Variants in CLTC observed in about 807,000 individuals in gnomAD.
The protein encoded by CLTC is clathrin heavy chain, also known as clathrin heavy chain 1.
A neutral mutation model predicts 195.8 loss-of-function variants in CLTC; 16 were observed. The observed-to-expected ratio is 0.08, with a 90% CI of 0.06 to 0.12. The LOEUF is 0.12. Among genes scored for constraint, CLTC ranks in the 10% least tolerant of loss-of-function variants. CLTC has a pLI of 1.00. For synonymous variants in CLTC, 667 were observed against 689.4 expected (o/e 0.97, Z 0.51); for missense variants, 796 against 2,027.0 (o/e 0.39, Z 11.66).
chr17:59,672,724 G>A (rs534051339), intron 14 of CLTC, among the ~76,000 whole-genome samples: 6 of 152,124 alleles, frequency 3.9e-5, no homozygotes, highest in Non-Finnish European at 7.4e-5. Context: ...ATTTATAATC[G>A]AGTAACTAAT....
rs1276301918 is a variant in CLTC, at chr17:59,696,198, T to TAAAC, written c.*2348_*2351dup. 5.9e-5 allele frequency: 13 copies of TAAAC among 220,176 alleles called. No homozygotes were observed. The highest frequency in any genetic ancestry group is 4.0e-4 in the East Asian group (6 of 14,916). The allele number at this position is 220,176 out of a possible 1,614,324, so 13.6% of individuals were successfully genotyped here. Reference sequence around the variant, plus strand: ...TTTGTTGCATCACTTTTGCAGCCAGTAAACATTCTGTTTAGAAATAGTTGC... The same window carrying TAAAC: ...TTTGTTGCATCACTTTTGCAGCCAGTAAACAAACATTCTGTTTAGAAATAGTTGC... On this transcript the variant is annotated 3_prime_UTR_variant, in exon 32 of 32. Transcript: ENST00000269122.
chr17:59,672,941 G>GT (rs2032885718), intron 14 of CLTC, among the ~76,000 whole-genome samples: 2 of 152,292 alleles, frequency 1.3e-5, no homozygotes, highest in South Asian at 4.1e-4. Flanking sequence ...TCTGTGGAAT[G>GT]TAACAGGACA....
chr17:59,695,281 CTAGT>C lies in CLTC; in HGVS notation c.*1434_*1437del, dbSNP rs531247871. ...TCAATAGCTACACATACCCCCTTGC[CTAGT>C]TAGTCTTGCACTGCTTTACAACTCT... On this transcript the variant is annotated 3_prime_UTR_variant, in exon 32 of 32. Coordinates refer to ENST00000269122, the MANE Select transcript of CLTC (RefSeq NM_004859.4). 7 of 190,988 alleles carry C rather than the reference CTAGT, an allele frequency of 3.7e-5. No homozygotes were observed. Among genetic ancestry groups the C allele is most frequent in the Non-Finnish European group, 6.6e-5 (6 of 91,192 alleles). The allele number at this position is 190,988 out of a possible 1,614,324, so 11.8% of individuals were successfully genotyped here. A position where few individuals can be genotyped will look rare whatever the true frequency, so the allele number is the denominator to read the frequency against.
chr17:59,632,088 G>T (rs2031736261), intron 1 of CLTC, among the ~76,000 whole-genome samples: 1 of 152,124 alleles, frequency 6.6e-6, no homozygotes, highest in Non-Finnish European at 1.5e-5. Flanking sequence ...TAGAAACCGG[G>T]CTGGGTGTGG....
rs762451775 is a variant in CLTC at position 59,680,972 on chromosome 17, G to A, written c.2980G>A (p.Ala994Thr). 6.2e-7 allele frequency: 1 copy of A among 1,613,818 alleles called. No individual in the cohort carries two copies. Among genetic ancestry groups the A allele is most frequent in the South Asian group, 1.1e-5 (1 of 91,078 alleles). ...DPEEVSVTVKAFMTADLPNEL... is the reference protein window; with the variant it reads ...DPEEVSVTVKTFMTADLPNEL... ...TGAAGAAGTGTCAGTAACTGTAAAG[G>A]CTTTCATGACTGCAGACCTTCCTAA... Residue 994 changes from alanine to threonine, a missense_variant, in exon 19 of 32, where the codon GCT (alanine) becomes ACT (threonine). Physicochemically the swap from Ala to Thr is moderately conservative, Grantham distance 58 (BLOSUM62 0). Transcript: ENST00000269122.
chr17:59,681,247 G>T lies in CLTC; in HGVS notation c.3066-48G>T. ...AGTCACAGTGGTTATTTTTTATGTCGGATAAACTTAAAATATTGCATTTAA... is the reference window on the plus strand; with the variant it reads ...AGTCACAGTGGTTATTTTTTATGTCTGATAAACTTAAAATATTGCATTTAA... On this transcript the variant is annotated intron_variant, in intron 19 of 31. Transcript: ENST00000269122. The surrounding 1 kb of genome is among the most constrained non-coding windows in gnomAD (Gnocchi z 5.0). 6.4e-7 allele frequency: 1 copy of T among 1,551,458 alleles called. No individual in the cohort carries two copies. Among genetic ancestry groups the T allele is most frequent in the Non-Finnish European group, 8.8e-7 (1 of 1,141,266 alleles).
In CLTC at chr17:59,682,700, T is replaced by C. The variant is rs1192566042; in HGVS notation, c.3672T>C (p.Phe1224=). 2 of 1,614,172 alleles carry C rather than the reference T, an allele frequency of 1.2e-6. No homozygotes were observed. The highest frequency in any genetic ancestry group is 2.2e-5 in the South Asian group (2 of 91,082). Residue 1224 remains phenylalanine, a synonymous_variant, in exon 23 of 32, where the codon TTT becomes TTC. Transcript: ENST00000269122. This position sits in a 1 kb window ranked among gnomAD's most constrained non-coding sequence, Gnocchi z 6.8. The stretch of plus-strand genomic sequence containing the variant: ...TGTTGTACAATAATGTTTCCAATTT[T>C]GGACGTTTGGCATCTACCCTGGTTC... The part of the protein sequence containing the change: ...AKLLYNNVSN[F]GRLASTLVHL...
rs1380809642 is a variant in CLTC at position 59,683,721 on chromosome 17, T to C, written c.4288T>C (p.Leu1430=). The C allele has an allele frequency of 4.3e-6, 7 of 1,614,210 alleles. No individual in the cohort carries two copies. In the Admixed American group the frequency reaches 5.0e-5, roughly 12 times the overall value. The change falls in exon 27 of 32, where the codon TTG becomes CTG. Residue 1430 remains leucine (L), a synonymous_variant. Transcript: ENST00000269122. This position sits in a 1 kb window ranked among gnomAD's most constrained non-coding sequence, Gnocchi z 6.1. ...NDLLMVLSPR[L]DHTRAVNYFS... is the part of the protein sequence containing the mutation. ...TTTGCTGATGGTGCTGTCTCCACGG[T>C]TGGATCACACTCGTGCAGTCAATTA...
At position 59,644,397 on chromosome 17, in the gene CLTC, T is replaced by C. The variant is rs201677846; in HGVS notation, c.164T>C (p.Met55Thr). 8.1e-6 allele frequency: 13 copies of C among 1,614,184 alleles called. No individual in the cohort carries two copies. Among genetic ancestry groups the C allele is most frequent in the Non-Finnish European group, 1.1e-5 (13 of 1,180,018 alleles). The change falls in exon 2 of 32, where the codon ATG becomes ACG. Residue 55 changes from methionine (M) to threonine (T), a missense_variant. Coordinates refer to ENST00000269122, the MANE Select transcript of CLTC (RefSeq NM_004859.4). ...CAGGCCCAGGTGGTAATCATTGATA[T>C]GAATGACCCAAGTAATCCAATTCGA... The part of the protein sequence containing the change: ...GEQAQVVIID[M>T]NDPSNPIRRP...
intron 6 of CLTC, chr17:59,658,852 A>T (rs1027895690): frequency 6.6e-6 from 1 of 152,220 alleles, no homozygotes; most frequent in African/African-American, 2.4e-5. Context: ...ATAACTATAA[A>T]GAAAGTAATT....
chr17:59,664,557 AAAAAAAAAAAG>A (rs981204411), intron 9 of CLTC: 13 of 376,762 alleles, frequency 3.5e-5, no homozygotes, highest in African/African-American at 8.8e-5. Flanking sequence ...TCTCAAAAAA[AAAAAAAAAAAG>A]AAAAGAAAAG....
At chr17:59,626,055 T>C (rs138949945) in intron 1 of CLTC, among the ~76,000 whole-genome samples, 1 of 152,344 alleles carries the variant, frequency 6.6e-6, no homozygotes, top group East Asian at 1.9e-4. Flanking sequence ...ACAGATCCAG[T>C]GTTTTATGGT....
At chr17:59,678,218 C>A (rs1037757970) in intron 17 of CLTC, among the ~76,000 whole-genome samples, 1 of 152,148 alleles carries the variant, frequency 6.6e-6, no homozygotes, top group Non-Finnish European at 1.5e-5. Context: ...CGGAAGCACG[C>A]AGTGTTCATT....
At chr17:59,640,529 TGGGACTAC>T (rs888233431) in intron 1 of CLTC, among the ~76,000 whole-genome samples, 4 of 151,972 alleles carry the variant, frequency 2.6e-5, no homozygotes, top group Non-Finnish European at 4.4e-5. Flanking sequence ...CTGGAGTAGC[TGGGACTAC>T]AGGCGTGTGC....
chr17:59,636,517 G>A (rs578236563), intron 1 of CLTC, among the ~76,000 whole-genome samples: 60 of 149,772 alleles, frequency 4.0e-4, no homozygotes, highest in Admixed American at 1.7e-3. Context: ...GTGCGGTGGC[G>A]CGATCTCAGC....
chr17:59,679,881 C>T (rs2033046359), intron 18 of CLTC, among the ~76,000 whole-genome samples: 1 of 151,810 alleles, frequency 6.6e-6, no homozygotes, highest in African/African-American at 2.4e-5. Flanking sequence ...CCAGCCTGGC[C>T]AACGTAGTAA....
At chr17:59,653,333 A>G (rs929510842) in intron 5 of CLTC, among the ~76,000 whole-genome samples, 1 of 151,460 alleles carries the variant, frequency 6.6e-6, no homozygotes, top group African/African-American at 2.4e-5. Flanking sequence ...AGCTGGGACT[A>G]CAGGCACCCA....
intron 6 of CLTC, among the ~76,000 whole-genome samples, chr17:59,657,219 C>G (rs895190787): frequency 6.6e-6 from 1 of 151,960 alleles, no homozygotes; most frequent in East Asian, 1.9e-4. Context: ...CCCTACCTAC[C>G]CATGCCCCAC....
chr17:59,687,781 T>G (rs567275388), intron 30 of CLTC, among the ~76,000 whole-genome samples: 19 of 152,312 alleles, frequency 1.2e-4, no homozygotes, highest in Admixed American at 1.1e-3. Context: ...TACCTAAAAT[T>G]TGCTCTCCTA....
Sources: allele counts gnomAD v4.1 joint callset (sites outside exome capture counted in the v4.1 genomes callset), GRCh38; gene constraint gnomAD v4.1.1; non-coding constraint Gnocchi (gnomAD v3.1); transcripts MANE v1.5; gene names NCBI Gene and HGNC (gene_info 2026-07-23, HGNC 2026-07-21).